The following CFAP44 variants were observed in gnomAD, a reference collection of about 807,000 sequenced individuals.
The protein encoded by CFAP44 is cilia and flagella associated protein 44, also known as cilia- and flagella-associated protein 44.
In CFAP44, 134 loss-of-function variants were observed where a neutral mutation model predicts 216.2. The observed-to-expected ratio is 0.62, with a 90% CI of 0.54 to 0.72. CFAP44 has a LOEUF of 0.72. CFAP44 is among the 30% of genes least tolerant of loss of function. The probability of loss-of-function intolerance (pLI) is 0.00; values close to 1 mark genes in which losing one functional copy is unlikely to be tolerated. For synonymous variants in CFAP44, 700 were observed against 727.6 expected (o/e 0.96, Z 0.61); for missense variants, 2,035 against 2,182.1 (o/e 0.93, Z 1.34).
intron 13 of CFAP44, among the ~76,000 whole-genome samples, chr3:113,399,195 T>C (rs1262048594): frequency 6.6e-6 from 1 of 152,146 alleles, no homozygotes; most frequent in African/African-American, 2.4e-5. Flanking sequence ...CAAGAAGCCT[T>C]TGGATTATTC....
At chr3:113,320,289 CA>C (rs1323537678) in intron 28 of CFAP44, among the ~76,000 whole-genome samples, 6 of 150,732 alleles carry the variant, frequency 4.0e-5, no homozygotes, top group Non-Finnish European at 8.9e-5. Flanking sequence ...CTGGCAACTG[CA>C]AAGCAAATCA....
chr3:113,373,627 G>T, intron 17 of CFAP44, 71 bp from the exon 18 acceptor site: 6 of 1,281,492 alleles, frequency 4.7e-6, no homozygotes, highest in East Asian at 5.7e-5. Flanking sequence ...AGAATTTTTT[G>T]ATTATTTCAA....
At chr3:113,427,801 G>A (rs1935002296) in intron 2 of CFAP44, among the ~76,000 whole-genome samples, 2 of 152,052 alleles carry the variant, frequency 1.3e-5, no homozygotes, top group African/African-American at 4.8e-5. Context: ...ACTGGTATAG[G>A]AGTAAAATGG....
chr3:113,306,646 T>C (rs1949988328), intron 29 of CFAP44, among the ~76,000 whole-genome samples: 1 of 152,186 alleles, frequency 6.6e-6, no homozygotes, highest in Admixed American at 6.5e-5. Flanking sequence ...TATAGGTGAA[T>C]ACCTTAAGTC....
At chr3:113,397,876 T>C (rs1171076139) in intron 13 of CFAP44, among the ~76,000 whole-genome samples, 1 of 152,122 alleles carries the variant, frequency 6.6e-6, no homozygotes, top group Non-Finnish European at 1.5e-5. Context: ...GACTTAGTTT[T>C]GGAAACACGG....
chr3:113,401,289 TA>T lies in CFAP44; in HGVS notation c.1327-3del, dbSNP rs577351861. ...CTTCCATATGGCTCCATTGGCATCC[TA>T]AAAAAATTAAATAGTATTTTGTTTT... is the stretch of plus-strand genomic sequence containing the variant. On this transcript the variant is annotated splice_polypyrimidine_tract_variant and splice_region_variant and intron_variant, in intron 10 of 34. Transcript: ENST00000393845. 1.3e-6 allele frequency: 2 copies of T among 1,579,090 alleles called. No homozygotes were observed. The highest frequency in any genetic ancestry group is 1.2e-5 in the South Asian group (1 of 82,842).
At chr3:113,355,173 A>G (rs967628925) in intron 22 of CFAP44, among the ~76,000 whole-genome samples, 1 of 151,994 alleles carries the variant, frequency 6.6e-6, no homozygotes. Flanking sequence ...CCACTAAAGA[A>G]CTTTTCATGT....
chr3:113,409,129 A>G lies in CFAP44; in HGVS notation c.867T>C (p.Thr289=), dbSNP rs1353404569. Residue 289 remains threonine (T), a synonymous_variant, in exon 7 of 35, where the codon ACT becomes ACC. Coordinates refer to ENST00000393845, the MANE Select transcript of CFAP44 (RefSeq NM_001164496.2). ...TFNPDKEEQL[T]TSGSGHIKFW... Reference sequence around the variant, plus strand: ...ACTTGATGTGGCCTGATCCCGATGTAGTAAGCTGCTCTTCCTTATCAGGAT... The same window carrying G: ...ACTTGATGTGGCCTGATCCCGATGTGGTAAGCTGCTCTTCCTTATCAGGAT... The G allele has an allele frequency of 1.2e-6, 2 of 1,612,732 alleles. No individual in the cohort carries two copies. The highest frequency in any genetic ancestry group is 1.7e-6 in the Non-Finnish European group (2 of 1,179,540).
chr3:113,330,292 G>A lies in CFAP44; in HGVS notation c.3992C>T (p.Thr1331Ile), dbSNP rs780632889. 7.2e-6 allele frequency: 11 copies of A among 1,537,280 alleles called. No individual in the cohort carries two copies. The highest frequency in any genetic ancestry group is 4.1e-5 in the African/African-American group (3 of 73,032). The change falls in exon 26 of 35, where the codon ACA (threonine) becomes ATA (isoleucine). Residue 1331 changes from threonine (T) to isoleucine (I), a missense_variant. Physicochemically the swap from Thr to Ile is moderately conservative, Grantham distance 89 (BLOSUM62 -1). Around this residue, in one of 3 missense-constraint regions of CFAP44, gnomAD observed 1,883 missense variants for 2,023.7 expected, o/e 0.93. Transcript: ENST00000393845. ...DSISRSSKAS[T>I]FSLDIPKCLE... ...ACACTTTGGTATATCTAGGCTGAAT[G>A]TTGATGCCTTTGATGATCTAGATAT...
intron 5 of CFAP44, among the ~76,000 whole-genome samples, chr3:113,417,989 C>T (rs1221585034): frequency 6.6e-6 from 1 of 152,022 alleles, no homozygotes; most frequent in Non-Finnish European, 1.5e-5. Flanking sequence ...AAAGTTTCTG[C>T]CTCATATTGG....
chr3:113,309,137 T>C (rs1193962084), intron 28 of CFAP44, among the ~76,000 whole-genome samples: 1 of 152,164 alleles, frequency 6.6e-6, no homozygotes, highest in African/African-American at 2.4e-5. Flanking sequence ...TTGAGCTGTG[T>C]CCTTAACCTA....
rs1287724949 is a variant in CFAP44, at chr3:113,396,659, ATAAAGT to A, written c.1632_1637del (p.Glu544_Tyr546delinsAsp). ...CAAAAATCGTGAGCCCTTTTGGATC[ATAAAGT>A]TCAAGAATTCGAACAACTCCATCTT... is the stretch of plus-strand genomic sequence containing the variant. On this transcript the variant is annotated inframe_deletion, in exon 14 of 35. Coordinates refer to ENST00000393845, the MANE Select transcript of CFAP44 (RefSeq NM_001164496.2). 3 of 1,614,148 alleles carry A rather than the reference ATAAAGT, an allele frequency of 1.9e-6. No homozygotes were observed. The highest frequency in any genetic ancestry group is 2.5e-6 in the Non-Finnish European group (3 of 1,180,000).
At chr3:113,293,952 A>G in intron 34 of CFAP44, 2 of 456,222 alleles carry the variant, frequency 4.4e-6, no homozygotes, top group South Asian at 3.1e-5. Context: ...TAGCACCTGC[A>G]TTTTAAACAA....
intron 32 of CFAP44, among the ~76,000 whole-genome samples, chr3:113,297,257 C>G (rs1159141458): frequency 1.3e-5 from 2 of 152,110 alleles, no homozygotes; most frequent in African/African-American, 4.8e-5. Flanking sequence ...AAGTCTCCAT[C>G]TTACTCCAGG....
intron 27 of CFAP44, 21 bp downstream of exon 27, chr3:113,327,595 G>C: frequency 6.6e-7 from 1 of 1,526,590 alleles, no homozygotes. Context: ...AGCCAGCTAG[G>C]ATTCTTCTGC....
intron 18 of CFAP44, among the ~76,000 whole-genome samples, chr3:113,368,160 C>CA (rs1165633254): frequency 6.6e-6 from 1 of 152,162 alleles, no homozygotes; most frequent in Non-Finnish European, 1.5e-5. Context: ...AGTTAGAAAA[C>CA]ACTCTTCAGG....
chr3:113,422,694 C>T (rs987531600), intron 4 of CFAP44, among the ~76,000 whole-genome samples: 14 of 152,112 alleles, frequency 9.2e-5, no homozygotes, highest in Admixed American at 3.9e-4. Context: ...CCCTTCTTCC[C>T]TTTCTTTCTT....
chr3:113,426,081 A>C (rs1934951652), intron 4 of CFAP44, 43 bp downstream of exon 4: 1 of 1,599,248 alleles, frequency 6.3e-7, no homozygotes, highest in Admixed American at 1.7e-5. Context: ...TGACCTAAGA[A>C]ATGAAAATCC....
chr3:113,345,542 C>T (rs548946599), intron 22 of CFAP44, among the ~76,000 whole-genome samples: 3 of 152,254 alleles, frequency 2.0e-5, no homozygotes, highest in Admixed American at 1.3e-4. Flanking sequence ...TGTTTAATGA[C>T]ATTTAATGAA....
Sources: allele counts gnomAD v4.1 joint callset (sites outside exome capture counted in the v4.1 genomes callset), GRCh38; gene constraint gnomAD v4.1.1; regional missense constraint gnomAD v4.1.1; transcripts MANE v1.5; gene names NCBI Gene and HGNC (gene_info 2026-07-23, HGNC 2026-07-21).